The following NEK10 variants were observed in gnomAD, a reference collection of about 807,000 sequenced individuals.
The protein encoded by NEK10 is NIMA related kinase 10.
In NEK10, 122 loss-of-function variants were observed where a neutral mutation model predicts 159.8. The ratio of observed to expected loss-of-function variants is 0.76; its 90% CI spans 0.66 to 0.89. NEK10 has a LOEUF of 0.89. Ranked by LOEUF, NEK10 falls within the 40% of genes least tolerant of loss-of-function variation. NEK10 has a pLI of 0.00. For missense variants in NEK10, 1,342 were observed against 1,323.1 expected (o/e 1.01, Z -0.22); for synonymous variants, 466 against 457.1 (o/e 1.02, Z -0.25).
chr3:27,327,589 G>A (rs1416982731), intron 5 of NEK10, among the ~76,000 whole-genome samples: 3 of 152,134 alleles, frequency 2.0e-5, no homozygotes, highest in African/African-American at 7.2e-5. Context: ...TACACAGTAA[G>A]AGAAACAAAT....
At chr3:27,344,558 G>C (rs2047421348) in intron 4 of NEK10, among the ~76,000 whole-genome samples, 188 bp from the exon 5 acceptor site, 1 of 152,178 alleles carries the variant, frequency 6.6e-6, no homozygotes, top group South Asian at 2.1e-4. Flanking sequence ...ACTATCAGCT[G>C]TTAAAATAAG....
intron 22 of NEK10, among the ~76,000 whole-genome samples, chr3:27,263,705 T>G (rs2040626490): frequency 6.6e-6 from 1 of 152,166 alleles, no homozygotes; most frequent in Non-Finnish European, 1.5e-5. Flanking sequence ...ATTTTCCAGG[T>G]GCCATCTGTC....
intron 23 of NEK10, among the ~76,000 whole-genome samples, chr3:27,218,212 G>A (rs887411845): frequency 3.9e-5 from 6 of 152,168 alleles, no homozygotes; most frequent in East Asian, 1.9e-4. Context: ...AGAATGGTAC[G>A]CAATTTAAAA....
chr3:27,276,122 T>C (rs1349043096), intron 22 of NEK10, among the ~76,000 whole-genome samples: 1 of 152,110 alleles, frequency 6.6e-6, no homozygotes, highest in Non-Finnish European at 1.5e-5. Context: ...CCTGGATGTG[T>C]TTTTGTTCAT....
At chr3:27,201,887 A>C (rs1452886667) in intron 24 of NEK10, among the ~76,000 whole-genome samples, 1 of 152,176 alleles carries the variant, frequency 6.6e-6, no homozygotes, top group African/African-American at 2.4e-5. Context: ...AGCTGGGCGC[A>C]GTGGCTCACG....
chr3:27,135,492 ATAATAT>A (rs1943099695), intron 31 of NEK10, among the ~76,000 whole-genome samples: 1 of 152,236 alleles, frequency 6.6e-6, no homozygotes, highest in Non-Finnish European at 1.5e-5. Flanking sequence ...TCAAACTTGC[ATAATAT>A]TAATATTGGA....
chr3:27,140,065 A>G (rs1943633771), intron 31 of NEK10, among the ~76,000 whole-genome samples: 2 of 152,200 alleles, frequency 1.3e-5, no homozygotes, highest in South Asian at 4.1e-4. Flanking sequence ...GCAGGGAGGT[A>G]CTATTATTTA....
intron 35 of NEK10, among the ~76,000 whole-genome samples, chr3:27,113,291 T>C (rs889071845): frequency 6.6e-6 from 1 of 151,068 alleles, no homozygotes; most frequent in Admixed American, 6.6e-5. Flanking sequence ...ATTAGCCAGG[T>C]GTGGTGGTGG....
intron 20 of NEK10, among the ~76,000 whole-genome samples, chr3:27,285,554 A>G (rs1053693655): frequency 6.6e-6 from 1 of 152,068 alleles, no homozygotes; most frequent in South Asian, 2.1e-4. Flanking sequence ...ACAAAAAAAA[A>G]CAAAACTGGA....
chr3:27,301,263 G>A (rs536975310), intron 13 of NEK10, among the ~76,000 whole-genome samples: 1 of 152,288 alleles, frequency 6.6e-6, no homozygotes, highest in South Asian at 2.1e-4. Flanking sequence ...TCTTCTCTTT[G>A]GAGCTCAAGA....
chr3:27,138,778 G>C (rs1943481938), intron 31 of NEK10, among the ~76,000 whole-genome samples: 1 of 152,188 alleles, frequency 6.6e-6, no homozygotes, highest in Non-Finnish European at 1.5e-5. Context: ...GACATGGGAT[G>C]CTAGTAATCC....
chr3:27,175,308 G>A (rs923379946), intron 26 of NEK10, among the ~76,000 whole-genome samples: 1 of 152,168 alleles, frequency 6.6e-6, no homozygotes, highest in Admixed American at 6.5e-5. Context: ...AAAAAAAGGA[G>A]CTACAGAGAA....
chr3:27,159,547 C>G (rs778229597), intron 30 of NEK10, among the ~76,000 whole-genome samples: 3 of 151,972 alleles, frequency 2.0e-5, no homozygotes, highest in African/African-American at 7.2e-5. Flanking sequence ...TAAAATGTTT[C>G]TTCATTCAGT....
chr3:27,170,847 C>T (rs923909870), intron 29 of NEK10, among the ~76,000 whole-genome samples: 1 of 152,150 alleles, frequency 6.6e-6, no homozygotes, highest in Non-Finnish European at 1.5e-5. Flanking sequence ...GAAGGCGTTG[C>T]CACTCATCTT....
At chr3:27,317,619 T>C (rs1012045560) in intron 6 of NEK10, among the ~76,000 whole-genome samples, 2 of 152,140 alleles carry the variant, frequency 1.3e-5, no homozygotes, top group African/African-American at 2.4e-5. Context: ...TGCCAATATA[T>C]TTTTATTACA....
chr3:27,354,128 T>C (rs533260430), intron 1 of NEK10, among the ~76,000 whole-genome samples: 15 of 152,320 alleles, frequency 9.8e-5, no homozygotes, highest in African/African-American at 3.4e-4. Context: ...GTCCTGCTGT[T>C]GGCTTCGAAT....
At chr3:27,141,724 T>G (rs1943803034) in intron 30 of NEK10, 142 bp from the exon 31 acceptor site, 1 of 553,476 alleles carries the variant, frequency 1.8e-6, no homozygotes, top group South Asian at 2.8e-5. Context: ...CCTGTAATAC[T>G]TCAACATTTT....
At chr3:27,214,927 G>T (rs1374515424) in intron 23 of NEK10, 15 of 1,000,044 alleles carry the variant, frequency 1.5e-5, no homozygotes, top group Non-Finnish European at 2.2e-5. Context: ...TAAAGAAGGT[G>T]AGAAGACAAT....
chr3:27,267,018 T>C (rs2040952357), intron 22 of NEK10, among the ~76,000 whole-genome samples: 1 of 152,136 alleles, frequency 6.6e-6, no homozygotes, highest in African/African-American at 2.4e-5. Flanking sequence ...CCTCCACAGG[T>C]AGATTCCCAG....
Sources: allele counts gnomAD v4.1 joint callset (sites outside exome capture counted in the v4.1 genomes callset), GRCh38; gene constraint gnomAD v4.1.1; transcripts MANE v1.5; gene names NCBI Gene and HGNC (gene_info 2026-07-23, HGNC 2026-07-21).